The following ROBO2 variants were observed in gnomAD, a reference collection of about 807,000 sequenced individuals.
ROBO2 encodes the protein roundabout homolog 2.
Under a neutral mutation model 160.8 loss-of-function variants are expected in ROBO2, and 53 were observed. That is an observed-to-expected ratio of 0.33 (90% CI 0.26 to 0.41). The LOEUF (loss-of-function observed/expected upper bound fraction) is 0.41. Ranked by LOEUF, ROBO2 falls within the 10% of genes least tolerant of loss-of-function variation. The probability of loss-of-function intolerance (pLI) is 1.00; values close to 1 mark genes in which losing one functional copy is unlikely to be tolerated. For synonymous variants in ROBO2, 664 were observed against 611.7 expected, an observed-to-expected ratio of 1.09 and a Z score of -1.26; for missense variants, 1,577 against 1,722.4, an observed-to-expected ratio of 0.92 and a Z score of 1.49.
intron 2 of ROBO2, among the ~76,000 whole-genome samples, chr3:76,567,323 A>G (rs900604792): frequency 6.6e-6 from 1 of 152,062 alleles, no homozygotes; most frequent in African/African-American, 2.4e-5. Flanking sequence ...TTTTGACATC[A>G]TATTCATACA....
At chr3:76,404,792 A>G (rs1011278695) in intron 2 of ROBO2, among the ~76,000 whole-genome samples, 8 of 151,514 alleles carry the variant, frequency 5.3e-5, no homozygotes, top group African/African-American at 1.7e-4. Flanking sequence ...TAAGCTTTCT[A>G]ATATAGAAAA....
intron 2 of ROBO2, among the ~76,000 whole-genome samples, chr3:77,224,547 A>G (rs1345368895): frequency 6.6e-6 from 1 of 151,988 alleles, no homozygotes; most frequent in Non-Finnish European, 1.5e-5. Flanking sequence ...CACAACGGGT[A>G]TTAATGATCG....
intron 2 of ROBO2, among the ~76,000 whole-genome samples, chr3:76,589,126 G>A (rs971161795): frequency 9.2e-5 from 14 of 152,074 alleles, no homozygotes; most frequent in Non-Finnish European, 2.9e-5. Context: ...ACAAAAGAAA[G>A]GAAACTATGT....
At chr3:76,080,300 A>C (rs2068780660) in intron 2 of ROBO2, among the ~76,000 whole-genome samples, 1 of 152,226 alleles carries the variant, frequency 6.6e-6, no homozygotes, top group Admixed American at 6.5e-5. Context: ...GGTTGCCTCA[A>C]ATATCCCAAC....
At chr3:77,504,064 C>T (rs1250395449) in intron 5 of ROBO2, among the ~76,000 whole-genome samples, 1 of 152,064 alleles carries the variant, frequency 6.6e-6, no homozygotes, top group African/African-American at 2.4e-5. Flanking sequence ...TTTTAAAAGG[C>T]CATATTTGGA....
chr3:77,035,602 A>C (rs971858346), upstream of ROBO2, among the ~76,000 whole-genome samples: 2 of 151,906 alleles, frequency 1.3e-5, no homozygotes, highest in African/African-American at 2.4e-5. Context: ...AATGCTATTC[A>C]TAAATAGCTA....
intron 2 of ROBO2, among the ~76,000 whole-genome samples, chr3:77,104,618 T>C (rs2072531414): frequency 6.6e-6 from 1 of 152,184 alleles, no homozygotes; most frequent in African/African-American, 2.4e-5. Context: ...TCGAGTCATA[T>C]GGTAACTGTT....
chr3:76,212,121 A>G (rs1409855153), intron 2 of ROBO2, among the ~76,000 whole-genome samples: 1 of 152,032 alleles, frequency 6.6e-6, no homozygotes, highest in Non-Finnish European at 1.5e-5. Context: ...TTCTTTAAGT[A>G]GGTGAACCAG....
Position 77,505,311 on chromosome 3 carries a change from AC to A in ROBO2, c.806+11930del, listed in dbSNP as rs1161155000. Among the ~76,000 whole-genome samples the A allele has an allele frequency of 2.6e-5, 4 of 152,150 alleles. No homozygotes were observed. In the East Asian group the frequency reaches 7.7e-4, roughly 29 times the overall value. On this transcript the variant is annotated intron_variant, in intron 5 of 25. Transcript: ENST00000461745. ...GAGTTACACAAATATGGACATTAAT[AC>A]AAGTGGTCATACAAGAAAACCTTTT...
In ROBO2 at chr3:77,204,908, C is replaced by T. The variant is rs1025860638; in HGVS notation, c.388+106568C>T. On this transcript the variant is annotated intron_variant, in intron 2 of 25. Transcript: ENST00000461745. ...CGCGACAGTCCACTGATTCCCCTTG[C>T]GGGGCCTGTGACAGGGGTGTAGCTC... Among the ~76,000 whole-genome samples, 37 of 152,316 alleles carry T rather than the reference C, an allele frequency of 2.4e-4. 1 individual carries two copies. Among genetic ancestry groups the T allele is most frequent in the African/African-American group, 6.7e-4 (28 of 41,592 alleles).
chr3:76,664,193 G>A (rs2091934097), intron 2 of ROBO2, among the ~76,000 whole-genome samples: 2 of 152,162 alleles, frequency 1.3e-5, no homozygotes, highest in Non-Finnish European at 2.9e-5. Context: ...CACAGAAGCT[G>A]TTATGTCTAT....
chr3:75,942,326 A>G (rs547726901), intron 2 of ROBO2, among the ~76,000 whole-genome samples: 1 of 152,242 alleles, frequency 6.6e-6, no homozygotes, highest in South Asian at 2.1e-4. Context: ...GTGAGCTCAG[A>G]CATTTGGCAA....
chr3:77,191,099 AT>A (rs2081797466), intron 2 of ROBO2, among the ~76,000 whole-genome samples: 1 of 152,140 alleles, frequency 6.6e-6, no homozygotes, highest in Non-Finnish European at 1.5e-5. Flanking sequence ...AAATAAACAC[AT>A]TATACATGTG....
chr3:76,856,243 T>G (rs943044568), intron 2 of ROBO2, among the ~76,000 whole-genome samples: 1 of 152,236 alleles, frequency 6.6e-6, no homozygotes, highest in African/African-American at 2.4e-5. Context: ...AATTTTGCAT[T>G]ATTTACAACC....
intron 11 of ROBO2, among the ~76,000 whole-genome samples, 155 bp downstream of exon 12, chr3:77,563,484 T>C (rs2093391915): frequency 6.6e-6 from 1 of 152,136 alleles, no homozygotes. Context: ...AAGAACAGAG[T>C]TAATTTTTTT....
At chr3:76,278,783 G>T (rs983265943) in intron 2 of ROBO2, among the ~76,000 whole-genome samples, 1 of 151,906 alleles carries the variant, frequency 6.6e-6, no homozygotes, top group Admixed American at 6.6e-5. Context: ...GAGGTATGGG[G>T]TTTGAAAATT....
At chr3:77,331,209 T>C (rs1439978213) in intron 2 of ROBO2, among the ~76,000 whole-genome samples, 1 of 152,216 alleles carries the variant, frequency 6.6e-6, no homozygotes, top group Admixed American at 6.5e-5. Flanking sequence ...CCTGAACTGA[T>C]TAATACATAA....
chr3:77,546,387 T>C, exon 7 of ROBO2: 1 of 1,613,276 alleles, frequency 6.2e-7, no homozygotes, highest in Non-Finnish European at 8.5e-7. Context: ...TTGCTCAAGG[T>C]CGAACAGTGA....
At chr3:77,127,971 T>A (rs1370660746) in intron 2 of ROBO2, among the ~76,000 whole-genome samples, 3 of 152,190 alleles carry the variant, frequency 2.0e-5, no homozygotes, top group Non-Finnish European at 2.9e-5. Flanking sequence ...AGTGTCTGAG[T>A]CACAGTTTTT....
Sources: allele counts gnomAD v4.1 joint callset (sites outside exome capture counted in the v4.1 genomes callset), GRCh38; gene constraint gnomAD v4.1.1; transcripts MANE v1.5; gene names NCBI Gene and HGNC (gene_info 2026-07-23, HGNC 2026-07-21).